The following SKAP1 variants were observed in gnomAD, a reference collection of about 807,000 sequenced individuals.
SKAP1 encodes src kinase associated phosphoprotein 1, also known as src kinase-associated phosphoprotein 1.
Under a neutral mutation model 58.5 loss-of-function variants are expected in SKAP1, and 44 were observed. That is an observed-to-expected ratio of 0.75 (90% CI 0.59 to 0.97). The LOEUF (loss-of-function observed/expected upper bound fraction) is 0.97, where lower values mean the gene tolerates loss of function less well. Ranked by LOEUF, SKAP1 falls within the 50% of genes least tolerant of loss-of-function variation. SKAP1 has a pLI of 0.00. For missense variants in SKAP1, 390 were observed against 435.2 expected (o/e 0.90, Z 0.92); for synonymous variants, 127 against 149.7 (o/e 0.85, Z 1.11).
At chr17:48,340,042 G>A (rs2066628759) in intron 4 of SKAP1, among the ~76,000 whole-genome samples, 1 of 151,996 alleles carries the variant, frequency 6.6e-6, no homozygotes, top group Non-Finnish European at 1.5e-5. Flanking sequence ...TTAGCCAGTC[G>A]TGTGGCATGC....
At position 48,363,838 on chromosome 17, in the gene SKAP1, A is replaced by T. The variant is rs77784851; in HGVS notation, c.153-24T>A. The T allele has an allele frequency of 1.3e-4, 209 of 1,602,010 alleles. No homozygotes were observed. The African/African-American group carries it at 2.3e-3, about 17-fold the overall frequency. ...ACCTGAAATACAAGGGGGAAAAAAA[A>T]AGGGAATAAGTCAAACTTGTATTTC... On this transcript the variant is annotated intron_variant, in intron 2 of 12. Transcript: ENST00000336915.
chr17:48,183,232 G>A (rs780356584), intron 7 of SKAP1, among the ~76,000 whole-genome samples: 2 of 152,158 alleles, frequency 1.3e-5, no homozygotes, highest in Non-Finnish European at 2.9e-5. Context: ...AGACCAACTG[G>A]TCCTCTGGAT....
chr17:48,434,449 A>G (rs2144639946), upstream of SKAP1, among the ~76,000 whole-genome samples: 1 of 152,300 alleles, frequency 6.6e-6, no homozygotes, highest in East Asian at 1.9e-4. Flanking sequence ...CTAACTCTTC[A>G]ACTTAGGAGG....
At chr17:48,335,210 C>T (rs2066553321) in intron 4 of SKAP1, among the ~76,000 whole-genome samples, 1 of 151,852 alleles carries the variant, frequency 6.6e-6, no homozygotes, top group Non-Finnish European at 1.5e-5. Context: ...AATAGGACCC[C>T]ATATTTTCAT....
intron 4 of SKAP1, among the ~76,000 whole-genome samples, chr17:48,257,628 C>CTTT (rs56225931): frequency 1.7e-3 from 189 of 110,806 alleles, no homozygotes; most frequent in East Asian, 3.6e-3. Flanking sequence ...TTCTTTCTTT[C>CTTT]TTTTTTTTTT....
chr17:48,311,068 A>T (rs995821667), intron 4 of SKAP1, among the ~76,000 whole-genome samples: 14 of 152,010 alleles, frequency 9.2e-5, no homozygotes, highest in African/African-American at 3.4e-4. Flanking sequence ...ATGCATGTGC[A>T]CGGTCAGGTC....
chr17:48,211,241 A>G (rs2064868634), intron 4 of SKAP1, among the ~76,000 whole-genome samples: 1 of 152,196 alleles, frequency 6.6e-6, no homozygotes, highest in Non-Finnish European at 1.5e-5. Flanking sequence ...CAGGAGTTTG[A>G]GACCAGGCTG....
At chr17:48,180,891 G>GGGTC (rs1257986718) in intron 8 of SKAP1, among the ~76,000 whole-genome samples, 1 of 152,192 alleles carries the variant, frequency 6.6e-6, no homozygotes, top group Non-Finnish European at 1.5e-5. Flanking sequence ...ACCTTAAAGT[G>GGGTC]GGTCACTGCA....
chr17:48,212,533 A>T (rs1001575327), intron 4 of SKAP1, among the ~76,000 whole-genome samples: 1 of 152,200 alleles, frequency 6.6e-6, no homozygotes, highest in African/African-American at 2.4e-5. Flanking sequence ...TTCACACCCA[A>T]ATTTGCTTAG....
intron 3 of SKAP1, among the ~76,000 whole-genome samples, chr17:48,361,029 G>A (rs951582282): frequency 2.0e-5 from 3 of 151,846 alleles, no homozygotes; most frequent in Non-Finnish European, 2.9e-5. Context: ...GTGATGAAAC[G>A]TTCTGAAATT....
At chr17:48,399,046 A>C (rs2067459660) in intron 1 of SKAP1, among the ~76,000 whole-genome samples, 1 of 151,840 alleles carries the variant, frequency 6.6e-6, no homozygotes, top group Non-Finnish European at 1.5e-5. Flanking sequence ...ACAAACAAAA[A>C]AAACCACCAA....
At chr17:48,373,613 G>T (rs530193698) in intron 2 of SKAP1, among the ~76,000 whole-genome samples, 3 of 152,202 alleles carry the variant, frequency 2.0e-5, no homozygotes, top group Non-Finnish European at 2.9e-5. Context: ...GGAGTGGTTA[G>T]ACAGAGGTCT....
In SKAP1 at chr17:48,283,505, T is replaced by C. The variant is rs369606128; in HGVS notation, c.280+62400A>G. On this transcript the variant is annotated intron_variant, in intron 4 of 12. Transcript: ENST00000336915. Reference sequence around the variant, plus strand: ...GACTCTAGGTGCTTATAATAACCTCTGCCATCTATGGATGCATCAGCCTTG... The same window carrying C: ...GACTCTAGGTGCTTATAATAACCTCCGCCATCTATGGATGCATCAGCCTTG... 2.4e-4 allele frequency among the ~76,000 whole-genome samples: 37 copies of C among 152,294 alleles called. No individual in the cohort carries two copies. In the East Asian group the frequency reaches 4.2e-3, roughly 17 times the overall value.
intron 4 of SKAP1, among the ~76,000 whole-genome samples, chr17:48,287,146 C>A (rs2065841400): frequency 6.9e-6 from 1 of 144,956 alleles, no homozygotes; most frequent in South Asian, 2.1e-4. Context: ...AAATAAAAAT[C>A]ATCTAGATAA....
Position 48,146,639 on chromosome 17 carries a change from T to C in SKAP1, c.979-9302A>G, listed in dbSNP as rs118054526. 5.0e-3 allele frequency among the ~76,000 whole-genome samples: 768 copies of C among 152,180 alleles called. 3 individuals carry two copies. Among genetic ancestry groups the C allele is most frequent in the Non-Finnish European group, 8.1e-3 (551 of 68,000 alleles). ...CCTCTTTTAAGGAATCATCTCTTTT[T>C]TTTTTGAGATGGAGTTTTGCTCTTT... On this transcript the variant is annotated intron_variant, in intron 11 of 12. Transcript: ENST00000336915.
At chr17:48,332,478 A>C (rs1198681512) in intron 4 of SKAP1, among the ~76,000 whole-genome samples, 1 of 152,176 alleles carries the variant, frequency 6.6e-6, no homozygotes, top group African/African-American at 2.4e-5. Flanking sequence ...AATGACGAGC[A>C]TATTTCATTT....
At chr17:48,340,735 G>T (rs1431648928) in intron 4 of SKAP1, among the ~76,000 whole-genome samples, 1 of 152,094 alleles carries the variant, frequency 6.6e-6, no homozygotes, top group African/African-American at 2.4e-5. Context: ...CTTCTAAGTA[G>T]CATGTAAGTT....
At chr17:48,188,249 C>T (rs1233931450) in intron 5 of SKAP1, among the ~76,000 whole-genome samples, 3 of 152,180 alleles carry the variant, frequency 2.0e-5, no homozygotes, top group Admixed American at 2.0e-4. Flanking sequence ...TTATGTGTTG[C>T]CTTTGACAAA....
chr17:48,393,565 A>T (rs752539644), intron 2 of SKAP1, among the ~76,000 whole-genome samples: 1 of 152,148 alleles, frequency 6.6e-6, no homozygotes, highest in Non-Finnish European at 1.5e-5. Context: ...TTCCATTTAC[A>T]GCAAGTCCAC....
Sources: gnomAD v4.1 joint callset for allele counts (sites outside exome capture counted in the v4.1 genomes callset) on GRCh38, gnomAD v4.1.1 for gene constraint, MANE v1.5 for transcripts, NCBI Gene and HGNC (gene_info 2026-07-23, HGNC 2026-07-21) for gene names.